Variants in ALMS1 observed in about 807,000 individuals in gnomAD.
ALMS1 encodes ALMS1 centrosome and basal body associated protein, also known as centrosome-associated protein ALMS1.
In ALMS1, 271 loss-of-function variants were observed where a neutral mutation model predicts 352.2. The ratio of observed to expected loss-of-function variants is 0.77; its 90% CI spans 0.70 to 0.85. The LOEUF (loss-of-function observed/expected upper bound fraction) is 0.85, where lower values mean the gene tolerates loss of function less well. ALMS1 is among the 40% of genes least tolerant of loss of function. The pLI, the probability that ALMS1 is intolerant of heterozygous loss-of-function variation, is 0.00. For missense variants in ALMS1, 5,445 were observed against 4,870.7 expected (o/e 1.12, Z -3.51); for synonymous variants, 1,865 against 1,761.2 (o/e 1.06, Z -1.48).
chr2:73,471,580 C>T (rs1254079616), intron 9 of ALMS1, among the ~76,000 whole-genome samples: 1 of 149,348 alleles, frequency 6.7e-6, no homozygotes, highest in Non-Finnish European at 1.5e-5. Flanking sequence ...TTTCTTAAGA[C>T]ATACAAATGT....
Position 73,449,090 on chromosome 2 carries a change from T to G in ALMS1, c.2563T>G (p.Ser855Ala). The G allele has an allele frequency of 6.2e-7, 1 of 1,614,130 alleles. No individual in the cohort carries two copies. The highest frequency in any genetic ancestry group is 8.5e-7 in the Non-Finnish European group (1 of 1,180,002). The change falls in exon 8 of 23, where the codon TCT (serine) becomes GCT (alanine). Residue 855 changes from serine to alanine, a missense_variant. By Grantham distance (99) the Ser-to-Ala change is moderately conservative. Coordinates refer to ENST00000613296, the MANE Select transcript of ALMS1 (RefSeq NM_001378454.1). ...DGKTGTPAVT[S>A]TSSASSSLGE... Reference sequence around the variant, plus strand: ...AAAGACTGGGACACCAGCTGTAACCTCTACTTCCTCTGCGTCCTCTTCACT... The same window carrying G: ...AAAGACTGGGACACCAGCTGTAACCGCTACTTCCTCTGCGTCCTCTTCACT...
chr2:73,460,817 A>G (rs556787110), intron 9 of ALMS1, among the ~76,000 whole-genome samples: 43 of 152,348 alleles, frequency 2.8e-4, no homozygotes, highest in African/African-American at 9.9e-4. Flanking sequence ...GGAGGGTCCT[A>G]CGCCCACAGA....
At chr2:73,597,050 A>G (rs1447898694) in intron 16 of ALMS1, among the ~76,000 whole-genome samples, 2 of 152,040 alleles carry the variant, frequency 1.3e-5, no homozygotes. Flanking sequence ...TGAGACTTCC[A>G]ATCCATGTAT....
chr2:73,396,313 C>T (rs866204819), intron 1 of ALMS1, among the ~76,000 whole-genome samples: 2,717 of 150,622 alleles, frequency 0.018, 65 homozygotes, highest in African/African-American at 0.061. Flanking sequence ...TACACACACA[C>T]ACACACACAC....
chr2:73,434,719 CCCTTTTTTCTCTCAGAT>C (rs1558642948), intron 7 of ALMS1, among the ~76,000 whole-genome samples: 2 of 152,118 alleles, frequency 1.3e-5, no homozygotes, highest in Non-Finnish European at 2.9e-5. Flanking sequence ...TCTATTTCTC[CCCTTTTTTCTCTCAGAT>C]TTGCTTCACA....
intron 1 of ALMS1, among the ~76,000 whole-genome samples, chr2:73,402,859 G>A (rs761304623): frequency 4.0e-5 from 6 of 151,894 alleles, no homozygotes; most frequent in East Asian, 1.9e-4. Flanking sequence ...GTTCAGGTCC[G>A]TTGCCCATTC....
chr2:73,464,335 A>T (rs1312295153), intron 9 of ALMS1, among the ~76,000 whole-genome samples: 2 of 152,224 alleles, frequency 1.3e-5, no homozygotes, highest in East Asian at 3.8e-4. Flanking sequence ...ACAGAACCAA[A>T]GACAAAAACC....
intron 15 of ALMS1, among the ~76,000 whole-genome samples, chr2:73,566,088 T>G (rs1674795271): frequency 6.6e-6 from 1 of 152,168 alleles, no homozygotes; most frequent in Non-Finnish European, 1.5e-5. Context: ...AAACTGGGTA[T>G]GGGGTATAGG....
chr2:73,503,967 AACTT>A (rs905279920), intron 10 of ALMS1, among the ~76,000 whole-genome samples: 7 of 152,132 alleles, frequency 4.6e-5, no homozygotes, highest in African/African-American at 7.2e-5. Context: ...TTCATCAGCA[AACTT>A]ACTTATTAAT....
intron 16 of ALMS1, among the ~76,000 whole-genome samples, chr2:73,597,378 G>A (rs1270672826): frequency 6.6e-6 from 1 of 151,998 alleles, no homozygotes; most frequent in African/African-American, 2.4e-5. Flanking sequence ...AATAAAACCA[G>A]TTTTACCTCT....
At chr2:73,521,696 G>A (rs1673683690) in intron 11 of ALMS1, among the ~76,000 whole-genome samples, 1 of 151,710 alleles carries the variant, frequency 6.6e-6, no homozygotes, top group African/African-American at 2.4e-5. Context: ...CTTGCAGTGA[G>A]CCGAGATCGT....
At chr2:73,494,002 A>T (rs1278396593) in intron 10 of ALMS1, among the ~76,000 whole-genome samples, 1 of 152,192 alleles carries the variant, frequency 6.6e-6, no homozygotes, top group Non-Finnish European at 1.5e-5. Flanking sequence ...TTGGCTGCAA[A>T]TGTGGTCTCA....
chr2:73,475,985 A>G (rs537929957), intron 9 of ALMS1, among the ~76,000 whole-genome samples: 1 of 152,072 alleles, frequency 6.6e-6, no homozygotes, highest in African/African-American at 2.4e-5. Flanking sequence ...TGTTTAACCA[A>G]TCTCTATAGC....
chr2:73,437,483 T>G (rs1303602550), intron 7 of ALMS1, among the ~76,000 whole-genome samples: 1 of 152,166 alleles, frequency 6.6e-6, no homozygotes, highest in Non-Finnish European at 1.5e-5. Flanking sequence ...GCTTCTTGTG[T>G]TGTTTCTTTT....
intron 10 of ALMS1, among the ~76,000 whole-genome samples, chr2:73,512,008 A>G (rs190816419): frequency 4.6e-5 from 7 of 152,314 alleles, no homozygotes; most frequent in East Asian, 3.9e-4. Flanking sequence ...TCCAATAACA[A>G]TGTGTGAGAG....
chr2:73,525,076 AT>A (rs896371127), intron 11 of ALMS1, among the ~76,000 whole-genome samples: 3 of 151,616 alleles, frequency 2.0e-5, no homozygotes, highest in Non-Finnish European at 4.4e-5. Context: ...GGATCTCATT[AT>A]TTTTTTTGGC....
chr2:73,505,991 G>A (rs1572980759), intron 10 of ALMS1, among the ~76,000 whole-genome samples: 1 of 152,134 alleles, frequency 6.6e-6, no homozygotes, highest in Non-Finnish European at 1.5e-5. Context: ...AAGGGATCCA[G>A]TTTCACTTTT....
At chr2:73,546,727 T>TC (rs1325871523) in intron 12 of ALMS1, among the ~76,000 whole-genome samples, 1 of 152,176 alleles carries the variant, frequency 6.6e-6, no homozygotes, top group African/African-American at 2.4e-5. Context: ...GTGAGAATGT[T>TC]CCGGCGAGAG....
chr2:73,608,025 C>T (rs369003949), intron 21 of ALMS1, among the ~76,000 whole-genome samples: 1 of 152,176 alleles, frequency 6.6e-6, no homozygotes, highest in South Asian at 2.1e-4. Context: ...TCCGAACCTC[C>T]TTCCACCAGA....
Sources: allele counts gnomAD v4.1 joint callset (sites outside exome capture counted in the v4.1 genomes callset), GRCh38; gene constraint gnomAD v4.1.1; transcripts MANE v1.5; gene names NCBI Gene and HGNC (gene_info 2026-07-23, HGNC 2026-07-21).